Variants in MME observed in about 807,000 individuals in gnomAD.
The protein encoded by MME is membrane metalloendopeptidase, also known as neprilysin.
MME carries 98 observed loss-of-function variants against 113.2 expected under a neutral mutation model. The observed-to-expected ratio is 0.87, with a 90% CI of 0.74 to 1.02. MME has a LOEUF of 1.02. Ranked by LOEUF, MME falls within the 50% of genes least tolerant of loss-of-function variation. The pLI, the probability that MME is intolerant of heterozygous loss-of-function variation, is 0.00. For missense variants in MME, 836 were observed against 896.0 expected (o/e 0.93, Z 0.86); for synonymous variants, 292 against 300.6 (o/e 0.97, Z 0.30).
Position 155,118,744 on chromosome 3 carries a change from A to G in MME, c.655-2A>G, listed in dbSNP as rs765591205. ...ATTTTCTTTTATGTATATTTTTTAT[A>G]GATTGACCAACCTCGACTTGGCCTC... On this transcript the variant is annotated splice_acceptor_variant, in intron 7 of 22. Transcript: ENST00000360490. LOFTEE classifies it high-confidence loss of function. 8.2e-6 allele frequency: 13 copies of G among 1,576,250 alleles called. No homozygotes were observed. The East Asian group carries it at 2.9e-4, about 36-fold the overall frequency.
intron 8 of MME, among the ~76,000 whole-genome samples, chr3:155,130,552 G>A (rs954082782): frequency 5.3e-5 from 8 of 152,138 alleles, no homozygotes; most frequent in African/African-American, 1.9e-4. Context: ...GAGGATAGAG[G>A]ACTTGGAACA....
At chr3:155,150,632 C>T (rs1187364080) in intron 16 of MME, among the ~76,000 whole-genome samples, 6 of 152,150 alleles carry the variant, frequency 3.9e-5, no homozygotes, top group Non-Finnish European at 7.4e-5. Context: ...GATTCCCCAG[C>T]TCAAGCACCC....
chr3:155,098,740 G>A (rs980082382), intron 3 of MME, among the ~76,000 whole-genome samples: 3 of 152,130 alleles, frequency 2.0e-5, no homozygotes, highest in African/African-American at 7.2e-5. Context: ...TGGGTGATGA[G>A]AACATTAAGA....
At chr3:155,050,946 T>C (rs1713741772) in intron 1 of MME, among the ~76,000 whole-genome samples, 1 of 152,190 alleles carries the variant, frequency 6.6e-6, no homozygotes, top group Admixed American at 6.5e-5. Flanking sequence ...AATTGTGTTC[T>C]ATAGTTGGGC....
At chr3:155,110,000 C>T (rs1311636650) in intron 3 of MME, among the ~76,000 whole-genome samples, 2 of 152,198 alleles carry the variant, frequency 1.3e-5, no homozygotes, top group African/African-American at 4.8e-5. Context: ...AATTCATCCG[C>T]GGACTCTCCA....
chr3:155,101,963 G>A (rs1269452252), intron 3 of MME, among the ~76,000 whole-genome samples: 1 of 152,164 alleles, frequency 6.6e-6, no homozygotes, highest in Admixed American at 6.5e-5. Context: ...CACAGACAGC[G>A]AAGGATCCTG....
intron 22 of MME, 102 bp from the exon 23 acceptor site, chr3:155,180,258 A>C (rs1366125754): frequency 1.2e-6 from 1 of 867,220 alleles, no homozygotes; most frequent in Non-Finnish European, 2.0e-6. Context: ...TTAAATTCCA[A>C]ATTCATTCAC....
At chr3:155,039,912 A>T (rs1033694547) in intron 1 of MME, among the ~76,000 whole-genome samples, 1 of 152,150 alleles carries the variant, frequency 6.6e-6, no homozygotes, top group Non-Finnish European at 1.5e-5. Context: ...CTAACTGATT[A>T]ATATAATTTT....
At chr3:155,126,971 G>A (rs1346187967) in intron 8 of MME, among the ~76,000 whole-genome samples, 1 of 146,028 alleles carries the variant, frequency 6.8e-6, no homozygotes, top group African/African-American at 2.6e-5. Flanking sequence ...CGTGCCATTG[G>A]ACTCCAGCCT....
At chr3:155,180,058 A>G (rs562832585) in intron 22 of MME, among the ~76,000 whole-genome samples, 10 of 152,210 alleles carry the variant, frequency 6.6e-5, no homozygotes, top group Non-Finnish European at 1.5e-4. Context: ...TTAACTCTCC[A>G]TGACAACCTT....
intron 16 of MME, among the ~76,000 whole-genome samples, chr3:155,155,954 T>C (rs1484084286): frequency 6.6e-6 from 1 of 152,336 alleles, no homozygotes; most frequent in East Asian, 1.9e-4. Flanking sequence ...ACAGTAGTAA[T>C]TTTCCATTAC....
chr3:155,119,146 A>T (rs1229410333), intron 8 of MME, among the ~76,000 whole-genome samples: 1 of 152,216 alleles, frequency 6.6e-6, no homozygotes, highest in African/African-American at 2.4e-5. Flanking sequence ...AAGATTTATC[A>T]TGGTCTAGGG....
At chr3:155,157,181 C>T (rs1474498635) in intron 16 of MME, among the ~76,000 whole-genome samples, 3 of 152,076 alleles carry the variant, frequency 2.0e-5, no homozygotes, top group African/African-American at 7.2e-5. Context: ...CGAGAATAAG[C>T]TTACCTGACA....
At chr3:155,035,920 G>C (rs1308566563) in intron 1 of MME, among the ~76,000 whole-genome samples, 2 of 152,142 alleles carry the variant, frequency 1.3e-5, no homozygotes, top group Non-Finnish European at 2.9e-5. Flanking sequence ...TGGCATAAAA[G>C]GGAAAGGGTC....
intron 18 of MME, 29 bp downstream of exon 18, chr3:155,167,050 C>T: frequency 1.9e-6 from 3 of 1,612,722 alleles, no homozygotes; most frequent in Non-Finnish European, 2.5e-6. Context: ...TTTCCTTTGG[C>T]TGAGGTATAT....
chr3:155,056,143 T>C (rs911453627), intron 1 of MME, among the ~76,000 whole-genome samples: 1 of 152,152 alleles, frequency 6.6e-6, no homozygotes, highest in Admixed American at 6.5e-5. Flanking sequence ...CCTCAGATAA[T>C]GTTGTTTTAT....
intron 16 of MME, among the ~76,000 whole-genome samples, chr3:155,156,196 G>T (rs1046853563): frequency 2.0e-5 from 3 of 152,160 alleles, no homozygotes; most frequent in African/African-American, 7.2e-5. Flanking sequence ...GTAGACCTGA[G>T]TCAGAATTCC....
At chr3:155,088,454 C>T (rs1300459119) in intron 3 of MME, among the ~76,000 whole-genome samples, 4 of 151,990 alleles carry the variant, frequency 2.6e-5, no homozygotes, top group Admixed American at 1.3e-4. Context: ...GAGGCTGAGG[C>T]GGGCAGATCA....
chr3:155,137,292 A>G lies in MME; in HGVS notation c.721-810A>G, dbSNP rs74458807. On this transcript the variant is annotated intron_variant, in intron 8 of 22. Transcript: ENST00000360490. ...GCTCCTGACAACACAGCTTCATAAA[A>G]AAGAAACTGCTTGACTCAAGGAGAC... is the stretch of plus-strand genomic sequence containing the variant. 3.5e-3 allele frequency among the ~76,000 whole-genome samples: 530 copies of G among 152,346 alleles called. 2 individuals carry two copies. Among genetic ancestry groups the G allele is most frequent in the African/African-American group, 0.012 (519 of 41,590 alleles).
Sources: allele counts gnomAD v4.1 joint callset (sites outside exome capture counted in the v4.1 genomes callset), GRCh38; gene constraint gnomAD v4.1.1; transcripts MANE v1.5; gene names NCBI Gene and HGNC (gene_info 2026-07-23, HGNC 2026-07-21).